The following FRAS1 variants were observed in gnomAD, a reference collection of about 807,000 sequenced individuals.
The protein encoded by FRAS1 is extracellular matrix organizing protein FRAS1.
FRAS1 carries 290 observed loss-of-function variants against 435.2 expected under a neutral mutation model. The observed-to-expected ratio is 0.67, with a 90% confidence interval of 0.61 to 0.73. FRAS1 has a LOEUF of 0.73. Ranked by LOEUF, FRAS1 falls within the 30% of genes least tolerant of loss-of-function variation. The pLI is 0.00. For missense variants in FRAS1, 4,860 were observed against 5,001.5 expected (o/e 0.97, Z 0.85); for synonymous variants, 1,800 against 1,851.0 (o/e 0.97, Z 0.71).
intron 2 of FRAS1, among the ~76,000 whole-genome samples, chr4:78,139,310 A>G (rs930132647): frequency 5.4e-5 from 8 of 149,018 alleles, no homozygotes; most frequent in Non-Finnish European, 1.2e-4. Flanking sequence ...CCAAAAAATG[A>G]ACCTTAGCAG....
intron 22 of FRAS1, among the ~76,000 whole-genome samples, chr4:78,366,448 A>G (rs1451810746): frequency 6.6e-6 from 1 of 152,240 alleles, no homozygotes; most frequent in Non-Finnish European, 1.5e-5. Context: ...CCAAAGTGGT[A>G]TAGAATAAGC....
At chr4:78,489,756 T>C (rs375373511) in intron 59 of FRAS1, among the ~76,000 whole-genome samples, 2 of 152,118 alleles carry the variant, frequency 1.3e-5, no homozygotes, top group East Asian at 3.9e-4. Flanking sequence ...AATCTCAAAC[T>C]ATGTTAGAGA....
At chr4:78,286,174 C>T (rs778039392) in intron 13 of FRAS1, 1 of 651,126 alleles carries the variant, frequency 1.5e-6, no homozygotes, top group Non-Finnish European at 2.8e-6. Context: ...TAATATCTAC[C>T]TCCTAGGGTG....
chr4:78,341,541 G>A (rs1427990921), intron 20 of FRAS1, among the ~76,000 whole-genome samples: 5 of 152,136 alleles, frequency 3.3e-5, no homozygotes. Context: ...GATTTCACCA[G>A]GTATTAATAG....
At chr4:78,449,765 T>C (rs879730353) in intron 44 of FRAS1, among the ~76,000 whole-genome samples, 1 of 152,200 alleles carries the variant, frequency 6.6e-6, no homozygotes, top group Non-Finnish European at 1.5e-5. Context: ...ATTTGGTGAT[T>C]CTCAAGACAG....
intron 36 of FRAS1, 98 bp from the exon 37 acceptor site, chr4:78,430,194 A>G (rs1734156904): frequency 7.0e-7 from 1 of 1,438,432 alleles, no homozygotes; most frequent in Non-Finnish European, 9.6e-7. Context: ...CAGATTACCC[A>G]CAGCATGACT....
At chr4:78,199,129 C>T (rs1358905629) in intron 2 of FRAS1, among the ~76,000 whole-genome samples, 1 of 152,144 alleles carries the variant, frequency 6.6e-6, no homozygotes, top group African/African-American at 2.4e-5. Flanking sequence ...TTATGTTCCC[C>T]ACCTCCTGTC....
rs762849572 is a variant in FRAS1, at chr4:78,542,876, T to C, written c.*1752T>C. On this transcript the variant is annotated 3_prime_UTR_variant, in exon 74 of 74. Coordinates refer to ENST00000512123, the MANE Select transcript of FRAS1 (RefSeq NM_025074.7). Reference sequence around the variant, plus strand: ...AAACAATTATCTTCTCTACTTGGATTATGAGATAACCTTTTCTTGGAGGAA... The same window carrying C: ...AAACAATTATCTTCTCTACTTGGATCATGAGATAACCTTTTCTTGGAGGAA... The C allele has an allele frequency of 2.6e-5, 4 of 152,186 alleles. No individual in the cohort carries two copies. The highest frequency in any genetic ancestry group is 5.9e-5 in the Non-Finnish European group (4 of 68,036). 9.4% of individuals were successfully genotyped at this position (152,186 alleles called of 1,614,324 possible).
rs369268888 is a variant in FRAS1 at position 78,522,913 on chromosome 4, T to A, written c.10808+105T>A. 91 of 1,051,736 alleles carry A rather than the reference T, an allele frequency of 8.7e-5. No homozygotes were observed. In the African/African-American group the frequency reaches 1.4e-3, roughly 16 times the overall value. 65.2% of individuals were successfully genotyped at this position (1,051,736 alleles called of 1,614,324 possible). A position where few individuals can be genotyped will look rare whatever the true frequency, so the allele number is the denominator to read the frequency against. The stretch of plus-strand genomic sequence containing the variant: ...TCCTCTGAAGGCTAGACTTTTATTT[T>A]AAAAGGGGAATTGATAGAAATAACC... On this transcript the variant is annotated intron_variant, in intron 69 of 73. Coordinates refer to ENST00000512123, the MANE Select transcript of FRAS1 (RefSeq NM_025074.7).
At chr4:78,255,207 T>G (rs1017646) in intron 5 of FRAS1, 35 bp from the exon 6 acceptor site, 6 of 1,551,064 alleles carry the variant, frequency 3.9e-6, no homozygotes, top group Non-Finnish European at 5.2e-6. Flanking sequence ...ACAAATGCCA[T>G]CCCCCTAGTA....
At chr4:78,476,191 G>A (rs1379483738) in intron 54 of FRAS1, among the ~76,000 whole-genome samples, 4 of 152,202 alleles carry the variant, frequency 2.6e-5, no homozygotes, top group Non-Finnish European at 5.9e-5. Flanking sequence ...TTTGGTGCTC[G>A]TGACTTTGCT....
rs1553934018 is a variant in FRAS1 at position 78,249,048 on chromosome 4, G to GC, written c.310-3344_310-3343insC. Among the ~76,000 whole-genome samples the GC allele has an allele frequency of 5.1e-4, 14 of 27,518 alleles. No homozygotes were observed. In the East Asian group the frequency reaches 9.1e-3, roughly 18 times the overall value. 18.1% of individuals were successfully genotyped at this position (27,518 alleles called of 152,430 possible). On this transcript the variant is annotated intron_variant, in intron 4 of 73. Transcript: ENST00000512123. ...TCATAAACGTGTATGAAGAACTACT[G>GC]ATATATATATATATGCATATATATA... is the stretch of plus-strand genomic sequence containing the variant.
At chr4:78,259,388 T>A (rs1405341983) in intron 6 of FRAS1, among the ~76,000 whole-genome samples, 1 of 143,562 alleles carries the variant, frequency 7.0e-6, no homozygotes, top group Non-Finnish European at 1.5e-5. Flanking sequence ...GACTTTTTAA[T>A]GATTGCCATT....
chr4:78,508,617 T>A, intron 62 of FRAS1, 114 bp from the exon 63 acceptor site: 1 of 1,084,888 alleles, frequency 9.2e-7, no homozygotes, highest in Non-Finnish European at 1.3e-6. Flanking sequence ...TCCTGTTATA[T>A]TTCAAAGAAC....
chr4:78,165,222 C>G (rs1721288551), intron 2 of FRAS1, among the ~76,000 whole-genome samples: 1 of 152,162 alleles, frequency 6.6e-6, no homozygotes, highest in African/African-American at 2.4e-5. Flanking sequence ...TCATCATTGC[C>G]TCTTTCATGT....
At chr4:78,158,343 T>A (rs1560555283) in intron 2 of FRAS1, among the ~76,000 whole-genome samples, 1 of 152,234 alleles carries the variant, frequency 6.6e-6, no homozygotes, top group Non-Finnish European at 1.5e-5. Context: ...TTGTGTCATA[T>A]ATGATTTCTT....
rs2109913020 is a variant in FRAS1 at position 78,542,245 on chromosome 4, AG to A, written c.*1125del. ...GCAGTATTTCAGGGATTTCTCTTTG[AG>A]GGGTTCTTTTCTGGTAGCTCAGGCA... On this transcript the variant is annotated 3_prime_UTR_variant, in exon 74 of 74. Coordinates refer to ENST00000512123, the MANE Select transcript of FRAS1 (RefSeq NM_025074.7). 6.6e-6 allele frequency: 1 copy of A among 152,300 alleles called. No homozygotes were observed. The highest frequency in any genetic ancestry group is 1.5e-5 in the Non-Finnish European group (1 of 68,028). The allele number at this position is 152,300 out of a possible 1,614,324, so 9.4% of individuals were successfully genotyped here.
chr4:78,188,085 G>A (rs1351175832), intron 2 of FRAS1, among the ~76,000 whole-genome samples: 2 of 152,130 alleles, frequency 1.3e-5, no homozygotes, highest in African/African-American at 4.8e-5. Flanking sequence ...TTGTCTGAGT[G>A]GGGTCTTGGT....
chr4:78,511,488 A>G lies in FRAS1; in HGVS notation c.9995A>G (p.His3332Arg). The G allele has an allele frequency of 6.2e-7, 1 of 1,613,642 alleles. No individual in the cohort carries two copies. The highest frequency in any genetic ancestry group is 8.5e-7 in the Non-Finnish European group (1 of 1,179,712). The change falls in exon 64 of 74, where the codon CAT becomes CGT. Residue 3332 changes from histidine (H) to arginine (R), a missense_variant. His to Arg is a conservative substitution (Grantham distance 29, BLOSUM62 0). Coordinates refer to ENST00000512123, the MANE Select transcript of FRAS1 (RefSeq NM_025074.7). ...ACCTTGAAATACCTGGATGTCAAAC[A>G]TAAGGAGCATCCGAACAGGTCAGGC... ...IATLKYLDVKHKEHPNRIHIS... is the reference protein window; with the variant it reads ...IATLKYLDVKRKEHPNRIHIS...
Sources: allele counts gnomAD v4.1 joint callset (sites outside exome capture counted in the v4.1 genomes callset), GRCh38; gene constraint gnomAD v4.1.1; transcripts MANE v1.5; gene names NCBI Gene and HGNC (gene_info 2026-07-23, HGNC 2026-07-21).